HORMAD2: variants seen among roughly 807,000 people sequenced by gnomAD.
The protein encoded by HORMAD2 is HORMA domain-containing protein 2.
Under a neutral mutation model 38.8 loss-of-function variants are expected in HORMAD2, and 45 were observed. The observed-to-expected ratio is 1.16, with a 90% confidence interval of 0.91 to 1.49. HORMAD2 has a LOEUF of 1.49. Among genes scored for constraint, HORMAD2 ranks in the 40% most tolerant of loss-of-function variants. HORMAD2 has a pLI of 0.00. For synonymous variants in HORMAD2, 126 were observed against 122.8 expected (o/e 1.03, Z -0.17); for missense variants, 338 against 367.0 (o/e 0.92, Z 0.65).
chr22:30,107,135 T>C (rs959861315), intron 5 of HORMAD2, among the ~76,000 whole-genome samples: 2 of 152,204 alleles, frequency 1.3e-5, no homozygotes, highest in Non-Finnish European at 1.5e-5. Context: ...GAGATAATAA[T>C]GAGAGTAAAA....
intron 3 of HORMAD2, among the ~76,000 whole-genome samples, chr22:30,100,258 C>T (rs1920933634): frequency 6.6e-6 from 1 of 152,166 alleles, no homozygotes; most frequent in Non-Finnish European, 1.5e-5. Flanking sequence ...TGGAACAGAA[C>T]AGAGGCCTCA....
chr22:30,182,762 A>G, the HORMAD2 span, among the ~76,000 whole-genome samples: 123 of 152,370 alleles, frequency 8.1e-4, no homozygotes, highest in African/African-American at 2.7e-3. Context: ...TCCATCTTTA[A>G]AAAATAAACA....
intron 10 of HORMAD2, chr22:30,137,169 T>C (rs772620180): frequency 1.8e-6 from 1 of 541,624 alleles, no homozygotes. Context: ...GCCATGGAAA[T>C]TAATCAGGCA....
At chr22:30,138,109 G>A in intron 10 of HORMAD2, among the ~76,000 whole-genome samples, 1 of 152,130 alleles carries the variant, frequency 6.6e-6, no homozygotes, top group East Asian at 1.9e-4. Flanking sequence ...CCTAGTGGGT[G>A]CAAAGTAAGT....
chr22:30,134,804 G>T (rs1049297183), intron 10 of HORMAD2, among the ~76,000 whole-genome samples: 2 of 151,810 alleles, frequency 1.3e-5, no homozygotes, highest in African/African-American at 4.8e-5. Flanking sequence ...ATCATAGGAG[G>T]GTAGTGTACA....
intron 7 of HORMAD2, among the ~76,000 whole-genome samples, chr22:30,114,416 C>T (rs2146114930): frequency 6.6e-6 from 1 of 152,220 alleles, no homozygotes; most frequent in Middle Eastern, 3.4e-3. Context: ...TTCATAGGGC[C>T]TAAAAAGCAT....
At chr22:30,185,272 C>G in the HORMAD2 span, among the ~76,000 whole-genome samples, 1 of 152,184 alleles carries the variant, frequency 6.6e-6, no homozygotes, top group African/African-American at 2.4e-5. Context: ...GGCCCCTCCT[C>G]CAGGCATTTG....
chr22:30,181,928 C>G (rs562529271), downstream of HORMAD2, among the ~76,000 whole-genome samples: 1 of 152,322 alleles, frequency 6.6e-6, no homozygotes, highest in Non-Finnish European at 1.5e-5. Flanking sequence ...GCAAGATGTC[C>G]ATTCGGATAA....
chr22:30,206,666 A>C, the HORMAD2 span, among the ~76,000 whole-genome samples: 1 of 150,804 alleles, frequency 6.6e-6, no homozygotes, highest in Non-Finnish European at 1.5e-5. Context: ...CCTTTTTGGA[A>C]AAATGAAGTC....
intron 10 of HORMAD2, among the ~76,000 whole-genome samples, chr22:30,156,846 A>G (rs559822810): frequency 6.6e-6 from 1 of 152,350 alleles, no homozygotes; most frequent in Admixed American, 6.5e-5. Context: ...GCTGCAGACT[A>G]CAACTTTCCC....
intron 10 of HORMAD2, among the ~76,000 whole-genome samples, chr22:30,132,101 C>T (rs1923324859): frequency 6.6e-6 from 1 of 152,198 alleles, no homozygotes; most frequent in Admixed American, 6.5e-5. Flanking sequence ...AAACTCTGAA[C>T]TGAAGTTTTG....
the HORMAD2 span, among the ~76,000 whole-genome samples, chr22:30,204,137 G>T: frequency 4.6e-5 from 7 of 152,212 alleles, no homozygotes; most frequent in South Asian, 1.5e-3. Context: ...GACAAGGAGG[G>T]GCCAGTGACT....
chr22:30,201,742 G>C, the HORMAD2 span, among the ~76,000 whole-genome samples: 1 of 152,012 alleles, frequency 6.6e-6, no homozygotes, highest in South Asian at 2.1e-4. Flanking sequence ...TACCTTTTCG[G>C]GGGACACAAT....
intron 8 of HORMAD2, among the ~76,000 whole-genome samples, chr22:30,119,379 C>T (rs1922279191): frequency 1.3e-5 from 2 of 152,194 alleles, no homozygotes; most frequent in Non-Finnish European, 2.9e-5. Flanking sequence ...GCGATCCTTT[C>T]CACCTCGATA....
At chr22:30,086,872 G>A (rs1234469188) in intron 1 of HORMAD2, among the ~76,000 whole-genome samples, 1 of 152,182 alleles carries the variant, frequency 6.6e-6, no homozygotes, top group Non-Finnish European at 1.5e-5. Flanking sequence ...TTGGCTCACT[G>A]CAACCTCCAT....
intron 10 of HORMAD2, among the ~76,000 whole-genome samples, chr22:30,143,729 G>T (rs1924234072): frequency 1.3e-5 from 2 of 152,132 alleles, no homozygotes; most frequent in Admixed American, 6.5e-5. Flanking sequence ...GATATGCCTT[G>T]GATATTTGTC....
At chr22:30,139,254 CTATATATATATATATATATATATA>C (rs3067131) in intron 10 of HORMAD2, among the ~76,000 whole-genome samples, 1 of 96,774 alleles carries the variant, frequency 1.0e-5, no homozygotes, top group South Asian at 3.3e-4. Flanking sequence ...ATGAACTGTA[CTATATATATATATATATATATATA>C]TATATATATC....
chr22:30,110,973 T>C (rs1417320615), intron 5 of HORMAD2, among the ~76,000 whole-genome samples: 1 of 150,774 alleles, frequency 6.6e-6, no homozygotes, highest in African/African-American at 2.4e-5. Context: ...CTGGCCAACA[T>C]GGTGAAACCC....
chr22:30,093,437 A>C (rs1448099591), intron 1 of HORMAD2, among the ~76,000 whole-genome samples: 1 of 152,166 alleles, frequency 6.6e-6, no homozygotes, highest in East Asian at 1.9e-4. Flanking sequence ...GATTAATAAT[A>C]TATATTGAGT....
Sources: gnomAD v4.1 joint callset for allele counts (sites outside exome capture counted in the v4.1 genomes callset) on GRCh38, gnomAD v4.1.1 for gene constraint, MANE v1.5 for transcripts, NCBI Gene and HGNC (gene_info 2026-07-23, HGNC 2026-07-21) for gene names.